The following RBFOX1 variants were observed in gnomAD, a reference collection of about 807,000 sequenced individuals.
The protein encoded by RBFOX1 is RNA binding protein fox-1 homolog 1.
RBFOX1 carries 8 observed loss-of-function variants against 57.7 expected under a neutral mutation model. The observed-to-expected ratio is 0.14, with a 90% CI of 0.08 to 0.25. The LOEUF (loss-of-function observed/expected upper bound fraction) is 0.25. RBFOX1 is among the 10% of genes least tolerant of loss of function. The pLI, the probability that RBFOX1 is intolerant of heterozygous loss-of-function variation, is 1.00. For synonymous variants in RBFOX1, 326 were observed against 222.4 expected, an observed-to-expected ratio of 1.47 and a Z score of -4.15; for missense variants, 611 against 548.5, an observed-to-expected ratio of 1.11 and a Z score of -1.14.
At chr16:7,004,543 T>G (rs1203522382) in intron 3 of RBFOX1, among the ~76,000 whole-genome samples, 1 of 152,210 alleles carries the variant, frequency 6.6e-6, no homozygotes, top group Non-Finnish European at 1.5e-5. Flanking sequence ...CTCTTTGTCA[T>G]GGACACGTCC....
intron 2 of RBFOX1, among the ~76,000 whole-genome samples, chr16:6,339,812 A>G (rs2084278604): frequency 1.3e-5 from 2 of 152,034 alleles, no homozygotes; most frequent in Admixed American, 6.5e-5. Flanking sequence ...CTGGGATTAC[A>G]GGTGCCTGCC....
intron 4 of RBFOX1, among the ~76,000 whole-genome samples, chr16:5,984,781 G>T (rs1238054189): frequency 6.6e-6 from 1 of 151,720 alleles, no homozygotes; most frequent in Non-Finnish European, 1.5e-5. Context: ...GTATGTTCTG[G>T]CCTTTTGCTC....
chr16:7,278,196 G>A (rs986758517), intron 4 of RBFOX1, among the ~76,000 whole-genome samples: 1 of 152,180 alleles, frequency 6.6e-6, no homozygotes, highest in South Asian at 2.1e-4. Context: ...GGTTATACTT[G>A]GTGTATGCAT....
At chr16:5,270,096 A>C (rs569763148) in intron 1 of RBFOX1, 1 of 239,440 alleles carries the variant, frequency 4.2e-6, no homozygotes, top group South Asian at 5.8e-5. Flanking sequence ...GGAGTTCAAG[A>C]CCAGCCTGGC....
intron 3 of RBFOX1, among the ~76,000 whole-genome samples, chr16:6,824,982 G>GGTTTTTTTTTTTTTTTTTTTTTTTTT (rs2091913772): frequency 2.6e-5 from 1 of 38,384 alleles, no homozygotes; most frequent in Non-Finnish European, 6.5e-5. Context: ...TTTCTTTCTT[G>GGTTTTTTTTTTTTTTTTTTTTTTTTT]GTTTTTTTTT....
At chr16:7,453,128 C>CAA (rs35613776) in intron 4 of RBFOX1, among the ~76,000 whole-genome samples, 1,629 of 113,098 alleles carry the variant, frequency 0.014, 23 homozygotes, top group East Asian at 0.025. Context: ...GGCTTTGTCT[C>CAA]AAAAAAAAAA....
intron 2 of RBFOX1, among the ~76,000 whole-genome samples, chr16:6,481,023 T>C (rs1297033451): frequency 6.6e-6 from 1 of 152,232 alleles, no homozygotes; most frequent in Non-Finnish European, 1.5e-5. Flanking sequence ...ATGTATCTTG[T>C]GCATGTTTTT....
intron 3 of RBFOX1, among the ~76,000 whole-genome samples, chr16:6,989,051 C>T (rs2090948109): frequency 6.6e-6 from 1 of 152,080 alleles, no homozygotes; most frequent in South Asian, 2.1e-4. Flanking sequence ...GCGTGAGCCA[C>T]CGCGCCCGGC....
At chr16:7,570,698 A>G (rs1247887236) in intron 5 of RBFOX1, among the ~76,000 whole-genome samples, 1 of 152,242 alleles carries the variant, frequency 6.6e-6, no homozygotes, top group Non-Finnish European at 1.5e-5. Flanking sequence ...AAATACCTGG[A>G]ACCAGAAATA....
intron 3 of RBFOX1, among the ~76,000 whole-genome samples, chr16:6,984,293 G>T (rs979556839): frequency 6.6e-6 from 1 of 152,222 alleles, no homozygotes; most frequent in East Asian, 1.9e-4. Flanking sequence ...CTACCTGTGT[G>T]ACCTAGAGAA....
chr16:5,357,045 C>A (rs1201973383), intron 1 of RBFOX1, among the ~76,000 whole-genome samples: 1 of 152,154 alleles, frequency 6.6e-6, no homozygotes, highest in South Asian at 2.1e-4. Context: ...ACTACTTGCC[C>A]GTGATGACAC....
At chr16:7,365,448 A>T (rs1334667516) in intron 4 of RBFOX1, among the ~76,000 whole-genome samples, 1 of 152,206 alleles carries the variant, frequency 6.6e-6, no homozygotes, top group Non-Finnish European at 1.5e-5. Flanking sequence ...GCTGTATTAA[A>T]ATTCTTTCAG....
chr16:6,682,652 G>A (rs1344982337), intron 3 of RBFOX1, among the ~76,000 whole-genome samples: 1 of 151,864 alleles, frequency 6.6e-6, no homozygotes, highest in Non-Finnish European at 1.5e-5. Flanking sequence ...CTCCCATTGA[G>A]ACAACCAAAA....
intron 3 of RBFOX1, among the ~76,000 whole-genome samples, chr16:6,808,571 A>C (rs1046632758): frequency 4.6e-5 from 7 of 152,148 alleles, no homozygotes; most frequent in Non-Finnish European, 2.9e-5. Context: ...ATGGGGAATA[A>C]CTGCCAAATT....
At chr16:5,791,456 C>T (rs972469164) in intron 3 of RBFOX1, among the ~76,000 whole-genome samples, 2 of 152,032 alleles carry the variant, frequency 1.3e-5, no homozygotes, top group African/African-American at 4.8e-5. Flanking sequence ...ATATTATCCC[C>T]CTGGGATCTT....
At chr16:6,891,681 T>A (rs554856851) in intron 3 of RBFOX1, among the ~76,000 whole-genome samples, 1 of 152,222 alleles carries the variant, frequency 6.6e-6, no homozygotes, top group Non-Finnish European at 1.5e-5. Flanking sequence ...TGTAATGTTT[T>A]CCTTGAACAT....
At chr16:7,530,159 CT>C (rs1217652789) in intron 5 of RBFOX1, among the ~76,000 whole-genome samples, 1 of 152,132 alleles carries the variant, frequency 6.6e-6, no homozygotes, top group Non-Finnish European at 1.5e-5. Flanking sequence ...TATCTTCCTG[CT>C]TCATTTACGA....
chr16:7,566,790 A>G (rs1172109521), intron 5 of RBFOX1, among the ~76,000 whole-genome samples: 1 of 152,084 alleles, frequency 6.6e-6, no homozygotes, highest in African/African-American at 2.4e-5. Context: ...AGCCTTCCTC[A>G]GTGATCCTTT....
At chr16:5,600,486 CAAAAA>C (rs34621437), downstream of RBFOX1, among the ~76,000 whole-genome samples, 7 of 90,276 alleles carry the variant, frequency 7.8e-5, no homozygotes, top group African/African-American at 9.3e-5. Context: ...GAGCCTGTCT[CAAAAA>C]AAAAAAAAAA....
Sources: allele counts gnomAD v4.1 joint callset (sites outside exome capture counted in the v4.1 genomes callset), GRCh38; gene constraint gnomAD v4.1.1; transcripts MANE v1.5; gene names NCBI Gene and HGNC (gene_info 2026-07-23, HGNC 2026-07-21).